Variants in ZFYVE16 observed in about 807,000 individuals in gnomAD.
The protein encoded by ZFYVE16 is zinc finger FYVE-type containing 16.
Under a neutral mutation model 138.1 loss-of-function variants are expected in ZFYVE16, and 89 were observed. The observed-to-expected ratio is 0.64, with a 90% CI of 0.54 to 0.77. The LOEUF (loss-of-function observed/expected upper bound fraction) is 0.77. ZFYVE16 is among the 30% of genes least tolerant of loss of function. The pLI is 0.00. For missense variants in ZFYVE16, 1,793 were observed against 1,786.7 expected (o/e 1.00, Z -0.06); for synonymous variants, 596 against 618.3 (o/e 0.96, Z 0.53).
intron 13 of ZFYVE16, 49 bp downstream of exon 13, chr5:80,456,614 C>G: frequency 6.7e-7 from 1 of 1,492,120 alleles, no homozygotes; most frequent in Non-Finnish European, 9.2e-7. Context: ...CATTAGAGTT[C>G]CCTTAGAATT....
chr5:80,440,297 A>G, intron 5 of ZFYVE16: 1 of 1,089,486 alleles, frequency 9.2e-7, no homozygotes, highest in South Asian at 3.7e-5. Context: ...TAAATGCTGC[A>G]TTTCATCTGC....
intron 12 of ZFYVE16, 141 bp from the exon 13 acceptor site, chr5:80,456,320 G>A (rs942674220): frequency 5.6e-5 from 34 of 610,468 alleles, no homozygotes; most frequent in Non-Finnish European, 9.3e-5. Flanking sequence ...TAACTAGAAA[G>A]TTACCCTAAA....
chr5:80,427,971 CAAAAAAAAA>C lies in ZFYVE16; in HGVS notation c.-40+443_-40+451del, dbSNP rs386404254. Among the ~76,000 whole-genome samples the C allele has an allele frequency of 9.4e-4, 45 of 48,108 alleles. No homozygotes were observed. In the Admixed American group the frequency reaches 9.6e-3, roughly 10 times the overall value. The allele number at this position is 48,108 out of a possible 152,430, so 31.6% of individuals were successfully genotyped here. On this transcript the variant is annotated intron_variant, in intron 2 of 18. Coordinates refer to ENST00000505560, the MANE Select transcript of ZFYVE16 (RefSeq NM_001284236.3). The stretch of plus-strand genomic sequence containing the variant: ...TGCGTGACAGAGCGAGACTCCATCT[CAAAAAAAAA>C]AAAAAAAAAAAAAAAAGATGCGGTT...
intron 15 of ZFYVE16, among the ~76,000 whole-genome samples, chr5:80,471,181 T>C (rs1458981094): frequency 3.3e-5 from 5 of 152,116 alleles, no homozygotes; most frequent in Non-Finnish European, 7.4e-5. Context: ...GTCCTAATCT[T>C]GCCACGGCTC....
rs1754536395 is a variant in ZFYVE16, at chr5:80,472,976, TA to T, written c.4187+57del. The stretch of plus-strand genomic sequence containing the variant: ...ATTGATTTGAAGGAAAGTGCAGGAT[TA>T]AAATATCCTATTAATAAAATTAAAT... On this transcript the variant is annotated intron_variant, in intron 16 of 18. Coordinates refer to ENST00000505560, the MANE Select transcript of ZFYVE16 (RefSeq NM_001284236.3). The T allele has an allele frequency of 4.3e-6, 6 of 1,402,934 alleles. No homozygotes were observed. The Admixed American group carries it at 1.4e-4, about 33-fold the overall frequency. 86.9% of individuals were successfully genotyped at this position (1,402,934 alleles called of 1,614,324 possible).
chr5:80,427,610 C>CTTTTTTTTTTTTTTTTTT, intron 2 of ZFYVE16, 65 bp downstream of exon 2: 13 of 50,012 alleles, frequency 2.6e-4, no homozygotes, highest in Non-Finnish European at 3.3e-4. Context: ...CTGTCGTATG[C>CTTTTTTTTTTTTTTTTTT]TTTTTTTTTT....
chr5:80,457,637 A>G (rs563409684), intron 14 of ZFYVE16, among the ~76,000 whole-genome samples: 6 of 152,340 alleles, frequency 3.9e-5, no homozygotes, highest in African/African-American at 1.4e-4. Context: ...CCATACTTAA[A>G]ATAGTCCAAC....
chr5:80,413,908 G>A (rs1745833270), intron 1 of ZFYVE16, among the ~76,000 whole-genome samples: 1 of 152,094 alleles, frequency 6.6e-6, no homozygotes, highest in Admixed American at 6.6e-5. Flanking sequence ...TGGGAGTTTA[G>A]GTTTTTTGTA....
chr5:80,455,582 G>A (rs1471365597), intron 11 of ZFYVE16, 110 bp from the exon 12 acceptor site: 1 of 869,784 alleles, frequency 1.1e-6, no homozygotes, highest in African/African-American at 1.7e-5. Flanking sequence ...AACTGATTGA[G>A]TGATATTTAT....
chr5:80,458,136 A>G (rs570609328), intron 14 of ZFYVE16, among the ~76,000 whole-genome samples: 2 of 151,948 alleles, frequency 1.3e-5, no homozygotes, highest in Non-Finnish European at 2.9e-5. Context: ...TATATGTTAA[A>G]TAGATGATTT....
At chr5:80,476,097 C>A (rs1253104068) in intron 18 of ZFYVE16, among the ~76,000 whole-genome samples, 2 of 152,202 alleles carry the variant, frequency 1.3e-5, no homozygotes, top group East Asian at 3.9e-4. Context: ...GCATGTGCCA[C>A]CACACCTTGC....
chr5:80,444,745 C>T (rs1751110472), intron 6 of ZFYVE16, among the ~76,000 whole-genome samples: 1 of 151,296 alleles, frequency 6.6e-6, no homozygotes, highest in African/African-American at 2.4e-5. Flanking sequence ...TTTTAAATTT[C>T]TTTTTTTCTT....
Position 80,477,362 on chromosome 5 carries a change from A to G in ZFYVE16, c.4605A>G (p.Ile1535Met). Residue 1535 changes from isoleucine (I) to methionine (M), a missense_variant, in exon 19 of 19, where the codon ATA (isoleucine) becomes ATG (methionine). Physicochemically the swap from Ile to Met is conservative, Grantham distance 10. Transcript: ENST00000505560. ...AAATAGAATTAGTGTTTTTCATTAT[A>G]GAACATCTTTTTTAGTGAAAGAATG... ...PLEIELVFFI[I>M]EHLF 2 of 1,605,094 alleles carry G rather than the reference A, an allele frequency of 1.2e-6. No individual in the cohort carries two copies. The highest frequency in any genetic ancestry group is 1.7e-6 in the Non-Finnish European group (2 of 1,177,484).
intron 1 of ZFYVE16, among the ~76,000 whole-genome samples, chr5:80,421,778 G>A (rs1231071892): frequency 2.0e-5 from 3 of 152,114 alleles, no homozygotes; most frequent in Non-Finnish European, 4.4e-5. Context: ...GGCAATGCGG[G>A]CCCTTTTTTG....
At chr5:80,469,094 C>CTTT (rs60001690) in intron 15 of ZFYVE16, among the ~76,000 whole-genome samples, 16 of 136,600 alleles carry the variant, frequency 1.2e-4, no homozygotes, top group South Asian at 1.2e-3. Context: ...TTCTTTCTCT[C>CTTT]TTTTTTTTTT....
chr5:80,422,044 T>A (rs1157796724), intron 1 of ZFYVE16, among the ~76,000 whole-genome samples: 1 of 152,230 alleles, frequency 6.6e-6, no homozygotes, highest in Non-Finnish European at 1.5e-5. Flanking sequence ...AGGTATTTTA[T>A]TCTCTTTGAA....
At chr5:80,452,306 G>T (rs2112459054) in intron 11 of ZFYVE16, 1 of 152,294 alleles carries the variant, frequency 6.6e-6, no homozygotes, top group East Asian at 1.9e-4. Context: ...GAGGTGGCAG[G>T]CGCCTGTAAT....
intron 15 of ZFYVE16, among the ~76,000 whole-genome samples, chr5:80,461,617 C>T (rs1485750262): frequency 6.6e-6 from 1 of 152,148 alleles, no homozygotes; most frequent in Non-Finnish European, 1.5e-5. Flanking sequence ...GTCTCCTTGG[C>T]TTGTGGCCTT....
At chr5:80,426,230 ATGTGTGTGTGTCTG>A (rs1561245791) in intron 1 of ZFYVE16, among the ~76,000 whole-genome samples, 3 of 87,562 alleles carry the variant, frequency 3.4e-5, no homozygotes, top group Non-Finnish European at 7.3e-5. Flanking sequence ...GTGTGTGTGT[ATGTGTGTGTGTCTG>A]TGTGTGTGTG....
Sources: gnomAD v4.1 joint callset for allele counts (sites outside exome capture counted in the v4.1 genomes callset) on GRCh38, gnomAD v4.1.1 for gene constraint, MANE v1.5 for transcripts, NCBI Gene and HGNC (gene_info 2026-07-23, HGNC 2026-07-21) for gene names.